The following HSPA8 variants were observed in gnomAD, a reference collection of about 807,000 sequenced individuals.
HSPA8 encodes heat shock protein family A (Hsp70) member 8.
Under a neutral mutation model 52.8 loss-of-function variants are expected in HSPA8, and 2 were observed. The observed-to-expected ratio is 0.04, with a 90% CI of 0.02 to 0.12. The LOEUF (loss-of-function observed/expected upper bound fraction) is 0.12, where lower values mean the gene tolerates loss of function less well. Ranked by LOEUF, HSPA8 falls within the 10% of genes least tolerant of loss-of-function variation. HSPA8 has a pLI of 1.00. For synonymous variants in HSPA8, 436 were observed against 274.0 expected, an observed-to-expected ratio of 1.59 and a Z score of -5.84; for missense variants, 349 against 800.5, an observed-to-expected ratio of 0.44 and a Z score of 6.81.
intron 3 of HSPA8, 54 bp from the exon 4 acceptor site, chr11:123,060,322 A>G (rs1865454376): frequency 2.0e-6 from 3 of 1,517,362 alleles, no homozygotes; most frequent in Non-Finnish European, 2.7e-6. Flanking sequence ...ACATATATGC[A>G]AACTCCAGCA....
Position 123,059,728 on chromosome 11 carries a change from CAT to C in HSPA8, c.863_864del (p.Tyr288Ter), listed in dbSNP as rs1401637240. 2 of 1,613,798 alleles carry C rather than the reference CAT, an allele frequency of 1.2e-6. No homozygotes were observed. The highest frequency in any genetic ancestry group is 1.7e-6 in the Non-Finnish European group (2 of 1,179,872). ...TQASIEIDSL[Y>X]EGIDFYTSIT... ...ATGGAGGTATAGAAGTCGATTCCTTCATAGAGAGAATCGATCTCAATACTGGC... is the reference window on the plus strand; with the variant it reads ...ATGGAGGTATAGAAGTCGATTCCTTCAGAGAGAATCGATCTCAATACTGGC... On this transcript the variant is annotated frameshift_variant, in exon 5 of 9. Transcript: ENST00000534624. LOFTEE classifies it high-confidence loss of function.
At position 123,059,749 on chromosome 11, in the gene HSPA8, T is replaced by C; in HGVS notation, c.844A>G (p.Ile282Val). 2 of 1,613,918 alleles carry C rather than the reference T, an allele frequency of 1.2e-6. No homozygotes were observed. The highest frequency in any genetic ancestry group is 1.7e-6 in the Non-Finnish European group (2 of 1,179,862). ...CCTTCATAGAGAGAATCGATCTCAA[T>C]ACTGGCCTGGGTGCTGGAAGAGAGG... ...RTLSSSTQASIEIDSLYEGID... is the reference protein window; with the variant it reads ...RTLSSSTQASVEIDSLYEGID... Residue 282 changes from isoleucine (I) to valine (V), a missense_variant, in exon 5 of 9, where the codon ATT becomes GTT. Transcript: ENST00000534624.
chr11:123,058,017 C>G (rs1865360097), intron 8 of HSPA8, 98 bp from the exon 9 acceptor site: 2 of 980,490 alleles, frequency 2.0e-6, no homozygotes, highest in East Asian at 4.8e-5. Flanking sequence ...GGCGCAAACT[C>G]TTACAAGAGG....
chr11:123,058,226 G>GAA (rs71057327), intron 8 of HSPA8, 26 bp downstream of exon 8: 88,078 of 989,468 alleles, frequency 0.089, 867 homozygotes, highest in African/African-American at 0.13. Context: ...AGTGGGGGAG[G>GAA]AAAAAAAAAA....
At chr11:123,061,001 A>T in intron 2 of HSPA8, 119 bp downstream of exon 2, 1 of 949,080 alleles carries the variant, frequency 1.1e-6, no homozygotes, top group Non-Finnish European at 1.6e-6. Flanking sequence ...AACAGACTTG[A>T]TAACAAGTCT....
At position 123,059,280 on chromosome 11, in the gene HSPA8, A is replaced by T; in HGVS notation, c.1121-19T>A. 1 of 1,602,920 alleles carries T rather than the reference A, an allele frequency of 6.2e-7. No homozygotes were observed. The highest frequency in any genetic ancestry group is 8.5e-7 in the Non-Finnish European group (1 of 1,172,100). On this transcript the variant is annotated intron_variant, in intron 5 of 8. Transcript: ENST00000534624. ...TGGACAGCTAGCAAACAAAAAGTTA[A>T]CGTTAAAAGAAGTTAAAAGAAAACC...
chr11:123,057,988 A>G (rs1435302104), intron 8 of HSPA8, 69 bp from the exon 9 acceptor site: 3 of 1,253,204 alleles, frequency 2.4e-6, no homozygotes, highest in Non-Finnish European at 3.4e-6. Context: ...TCCCTGACGC[A>G]ATCTGATACT....
intron 1 of HSPA8, chr11:123,061,720 G>A (rs544768936): frequency 2.8e-5 from 7 of 252,566 alleles, no homozygotes; most frequent in African/African-American, 6.7e-5. Context: ...GAACCACGGT[G>A]GGACTGGACT....
intron 2 of HSPA8, 91 bp downstream of exon 2, chr11:123,061,029 A>G (rs1321615651): frequency 2.5e-6 from 3 of 1,188,680 alleles, no homozygotes; most frequent in African/African-American, 3.0e-5. Flanking sequence ...CAGTTTTTCT[A>G]AAATCAAAAA....
chr11:123,059,321 G>C (rs1037706057), intron 5 of HSPA8, 60 bp from the exon 6 acceptor site: 2 of 1,463,312 alleles, frequency 1.4e-6, no homozygotes, highest in African/African-American at 2.8e-5. Context: ...CATAGCTCCT[G>C]TTTTAACTAT....
rs1865468747 is a variant in HSPA8 at position 123,060,605 on chromosome 11, G to A, written c.399C>T (p.Ala133=). The change falls in exon 3 of 9, where the codon GCC becomes GCT. Residue 133 remains alanine, a synonymous_variant. Coordinates refer to ENST00000534624, the MANE Select transcript of HSPA8 (RefSeq NM_006597.6). ...AAACCAACCTCACCTTCCCAAGGTA[G>A]GCTTCTGCAATTTCCTTCATCTTTG... ...VLTKMKEIAE[A]YLGKTVTNAV... is the part of the protein sequence containing the mutation. 1.9e-6 allele frequency: 3 copies of A among 1,613,366 alleles called. No individual in the cohort carries two copies. The highest frequency in any genetic ancestry group is 4.5e-5 in the East Asian group (2 of 44,860).
intron 1 of HSPA8, chr11:123,061,807 C>G (rs1034079843): frequency 6.1e-6 from 1 of 164,284 alleles, no homozygotes; most frequent in Admixed American, 5.8e-5. Context: ...CAACCCTCCC[C>G]CGCCACGCGG....
Position 123,057,605 on chromosome 11 carries a change from G to A in HSPA8, c.*129C>T. ...CCCTGTGCATATGTTCCATATTCAA[G>A]TATTGAGAATGCCCAGTAACTTACT... On this transcript the variant is annotated 3_prime_UTR_variant, in exon 9 of 9. Transcript: ENST00000534624. The A allele has an allele frequency of 1.6e-6, 1 of 632,724 alleles. No individual in the cohort carries two copies. The highest frequency in any genetic ancestry group is 2.7e-6 in the Non-Finnish European group (1 of 365,552). 39.2% of individuals were successfully genotyped at this position (632,724 alleles called of 1,614,324 possible).
chr11:123,059,801 A>G lies in HSPA8; in HGVS notation c.792T>C (p.Arg264=), dbSNP rs143480238. Residue 264 remains arginine (R), a synonymous_variant, in exon 5 of 9, where the codon CGT becomes CGC. Coordinates refer to ENST00000534624, the MANE Select transcript of HSPA8 (RefSeq NM_006597.6). ...SENKRAVRRL[R]TACERAKRTL... is the part of the protein sequence containing the mutation. Reference sequence around the variant, plus strand: ...TACGCTTAGCACGTTCACAAGCAGTACGGAGGCGTCTTACAGCTCTCTTGT... The same window carrying G: ...TACGCTTAGCACGTTCACAAGCAGTGCGGAGGCGTCTTACAGCTCTCTTGT... 3 of 1,613,834 alleles carry G rather than the reference A, an allele frequency of 1.9e-6. No homozygotes were observed. The highest frequency in any genetic ancestry group is 1.7e-5 in the Admixed American group (1 of 60,002).
At position 123,062,048 on chromosome 11, in the gene HSPA8, T is replaced by TA. The variant is rs1865528041; in HGVS notation, c.-6+15_-6+16insT. 6.6e-6 allele frequency: 1 copy of TA among 152,570 alleles called. No homozygotes were observed. Among genetic ancestry groups the TA allele is most frequent in the South Asian group, 2.0e-4 (1 of 4,908 alleles). The allele number at this position is 152,570 out of a possible 1,614,324, so 9.5% of individuals were successfully genotyped here. A position where few individuals can be genotyped will look rare whatever the true frequency, so the allele number is the denominator to read the frequency against. On this transcript the variant is annotated intron_variant, in intron 1 of 8. Transcript: ENST00000534624. Reference sequence around the variant, plus strand: ...GCTCCCAGACCCACAACCCAACTCTTGAGCAGAGGTTTTACCTGGGGTGTA... The same window carrying TA: ...GCTCCCAGACCCACAACCCAACTCTTAGAGCAGAGGTTTTACCTGGGGTGTA...
At chr11:123,058,860 A>G (rs1591436589) in intron 6 of HSPA8, 30 bp from the exon 7 acceptor site, 1 of 1,597,512 alleles carries the variant, frequency 6.3e-7, no homozygotes, top group Non-Finnish European at 8.6e-7. Flanking sequence ...AATTACTACA[A>G]TGGACTCCAG....
Position 123,059,276 on chromosome 11 carries a change from G to A in HSPA8, c.1121-15C>T, listed in dbSNP as rs764797484. ...TGCCTGGACAGCTAGCAAACAAAAA[G>A]TTAACGTTAAAAGAAGTTAAAAGAA... On this transcript the variant is annotated splice_polypyrimidine_tract_variant and intron_variant, in intron 5 of 8. Coordinates refer to ENST00000534624, the MANE Select transcript of HSPA8 (RefSeq NM_006597.6). 1.9e-6 allele frequency: 3 copies of A among 1,605,696 alleles called. No individual in the cohort carries two copies. The highest frequency in any genetic ancestry group is 2.6e-6 in the Non-Finnish European group (3 of 1,174,276).
chr11:123,060,441 A>T, intron 3 of HSPA8, 152 bp downstream of exon 3: 1 of 893,968 alleles, frequency 1.1e-6, no homozygotes, highest in Non-Finnish European at 1.8e-6. Flanking sequence ...AGACCCATCT[A>T]CCTAGAGAGC....
rs141917932 is a variant in HSPA8, at chr11:123,060,185, A to G, written c.495T>C (p.Ala165=). Residue 165 remains alanine (A), a synonymous_variant, in exon 4 of 9, where the codon GCT becomes GCC. Transcript: ENST00000534624. The part of the protein sequence containing the change: ...RQATKDAGTI[A]GLNVLRIINE... ...TAATAATTCTAAGTACATTGAGACC[A>G]GCAATAGTTCCAGCATCTTTGGTAG... is the stretch of plus-strand genomic sequence containing the variant. The G allele has an allele frequency of 2.5e-5, 40 of 1,613,966 alleles. No individual in the cohort carries two copies. Among genetic ancestry groups the G allele is most frequent in the South Asian group, 4.4e-5 (4 of 91,090 alleles).
Sources: gnomAD v4.1 joint callset for allele counts on GRCh38, gnomAD v4.1.1 for gene constraint, MANE v1.5 for transcripts, NCBI Gene and HGNC (gene_info 2026-07-23, HGNC 2026-07-21) for gene names.